COP1: variants seen among roughly 807,000 people sequenced by gnomAD.
COP1 encodes COP1 E3 ubiquitin ligase.
Under a neutral mutation model 101.3 loss-of-function variants are expected in COP1, and 24 were observed. The ratio of observed to expected loss-of-function variants is 0.24; its 90% confidence interval spans 0.17 to 0.33. The LOEUF (loss-of-function observed/expected upper bound fraction) is 0.33. Ranked by LOEUF, COP1 falls within the 10% of genes least tolerant of loss-of-function variation. COP1 has a pLI of 1.00. For synonymous variants in COP1, 347 were observed against 341.9 expected (o/e 1.01, Z -0.17); for missense variants, 663 against 906.2 (o/e 0.73, Z 3.45).
chr1:176,079,442 T>G (rs1434551240), intron 11 of COP1, among the ~76,000 whole-genome samples: 1 of 151,998 alleles, frequency 6.6e-6, no homozygotes, highest in Non-Finnish European at 1.5e-5. Context: ...GACACATGAA[T>G]GTAAACATGG....
intron 14 of COP1, among the ~76,000 whole-genome samples, chr1:176,034,456 C>G (rs1320425562): frequency 6.6e-6 from 1 of 152,134 alleles, no homozygotes; most frequent in Admixed American, 6.6e-5. Flanking sequence ...AAAGGCGAAT[C>G]CCCATTATAT....
intron 6 of COP1, among the ~76,000 whole-genome samples, chr1:176,147,034 C>A (rs1452275394): frequency 6.6e-6 from 1 of 152,116 alleles, no homozygotes; most frequent in African/African-American, 2.4e-5. Flanking sequence ...CTACACTCAA[C>A]AGAACTCCAA....
intron 11 of COP1, among the ~76,000 whole-genome samples, chr1:176,075,510 G>T (rs552453562): frequency 2.0e-5 from 3 of 152,320 alleles, no homozygotes; most frequent in African/African-American, 7.2e-5. Flanking sequence ...GTAGCAATTT[G>T]ATTATACCAA....
At chr1:176,175,312 A>T (rs1696766884) in intron 3 of COP1, among the ~76,000 whole-genome samples, 1 of 152,210 alleles carries the variant, frequency 6.6e-6, no homozygotes, top group Admixed American at 6.5e-5. Context: ...CATTTTTGTT[A>T]AACCTCACAT....
chr1:175,998,159 T>C (rs1191590171), intron 15 of COP1, among the ~76,000 whole-genome samples: 4 of 148,272 alleles, frequency 2.7e-5, no homozygotes, highest in African/African-American at 1.0e-4. Context: ...ATGTCCTTTG[T>C]AGGGACATGG....
intron 9 of COP1, among the ~76,000 whole-genome samples, chr1:176,107,029 T>C (rs1684443466): frequency 1.3e-5 from 2 of 152,198 alleles, no homozygotes; most frequent in South Asian, 4.1e-4. Context: ...CTGAATTCTC[T>C]GGATCCCTTT....
chr1:176,095,773 G>A (rs1017040307), intron 9 of COP1, among the ~76,000 whole-genome samples: 7 of 151,932 alleles, frequency 4.6e-5, no homozygotes, highest in Non-Finnish European at 1.0e-4. Flanking sequence ...TAAGACTGCT[G>A]GTCTCTTAGC....
At chr1:176,057,900 G>A (rs1171146156) in intron 11 of COP1, among the ~76,000 whole-genome samples, 3 of 151,932 alleles carry the variant, frequency 2.0e-5, no homozygotes, top group Non-Finnish European at 4.4e-5. Flanking sequence ...GAGCGTCTCT[G>A]CCCGGCCGCC....
At position 175,989,495 on chromosome 1, in the gene COP1, A is replaced by C. The variant is rs1657903549; in HGVS notation, c.1730-16T>G. 7.5e-7 allele frequency: 1 copy of C among 1,327,588 alleles called. No individual in the cohort carries two copies. The highest frequency in any genetic ancestry group is 1.4e-5 in the African/African-American group (1 of 69,282). The allele number at this position is 1,327,588 out of a possible 1,614,324, so 82.2% of individuals were successfully genotyped here. A position where few individuals can be genotyped will look rare whatever the true frequency, so the allele number is the denominator to read the frequency against. ...ACACAGTGATCTAAAACAAAACAAAATTAGATAAATGTAGTAAATGCAGAA... is the reference window on the plus strand; with the variant it reads ...ACACAGTGATCTAAAACAAAACAAACTTAGATAAATGTAGTAAATGCAGAA... On this transcript the variant is annotated splice_polypyrimidine_tract_variant and intron_variant, in intron 15 of 19. Coordinates refer to ENST00000367669, the MANE Select transcript of COP1 (RefSeq NM_022457.7).
rs558384845 is a variant in COP1 at position 176,197,987 on chromosome 1, C to A, written c.407+8585G>T. 1.5e-4 allele frequency among the ~76,000 whole-genome samples: 23 copies of A among 152,120 alleles called. No homozygotes were observed. In the South Asian group the frequency reaches 4.8e-3, roughly 32 times the overall value. ...CCTCAACTGAAAAGCATAAACACTGCTAAGAGAAATTACAGAGGACCTAAA... is the reference window on the plus strand; with the variant it reads ...CCTCAACTGAAAAGCATAAACACTGATAAGAGAAATTACAGAGGACCTAAA... On this transcript the variant is annotated intron_variant, in intron 1 of 19. Coordinates refer to ENST00000367669, the MANE Select transcript of COP1 (RefSeq NM_022457.7).
intron 15 of COP1, among the ~76,000 whole-genome samples, chr1:175,991,869 T>C (rs920192584): frequency 3.3e-5 from 5 of 152,176 alleles, no homozygotes; most frequent in Admixed American, 3.3e-4. Flanking sequence ...CATAGAGATG[T>C]CATCTTCTCT....
At chr1:176,014,824 T>C (rs1665336458) in intron 15 of COP1, among the ~76,000 whole-genome samples, 1 of 152,168 alleles carries the variant, frequency 6.6e-6, no homozygotes, top group African/African-American at 2.4e-5. Context: ...GTACTAATAT[T>C]TTAAATACAT....
At chr1:176,126,412 G>C (rs1322281488) in intron 8 of COP1, among the ~76,000 whole-genome samples, 1 of 152,096 alleles carries the variant, frequency 6.6e-6, no homozygotes, top group Non-Finnish European at 1.5e-5. Context: ...TTCATTGAAG[G>C]TTTTTATCAT....
At chr1:176,183,613 A>G (rs1698066167) in intron 2 of COP1, among the ~76,000 whole-genome samples, 2 of 152,186 alleles carry the variant, frequency 1.3e-5, no homozygotes, top group Admixed American at 1.3e-4. Context: ...TATACACCCA[A>G]AAGACTTGAA....
At chr1:175,969,007 G>A (rs1223041721) in intron 18 of COP1, among the ~76,000 whole-genome samples, 1 of 152,202 alleles carries the variant, frequency 6.6e-6, no homozygotes, top group Admixed American at 6.5e-5. Flanking sequence ...ACTGAGAAGA[G>A]CTCCTCTGAG....
chr1:176,136,237 A>AT (rs889590672), intron 7 of COP1, among the ~76,000 whole-genome samples: 41 of 152,018 alleles, frequency 2.7e-4, no homozygotes, highest in African/African-American at 8.4e-4. Context: ...AAACTGAGCG[A>AT]TTTTTTTTGT....
At chr1:176,145,745 C>T (rs542542673) in intron 6 of COP1, among the ~76,000 whole-genome samples, 13 of 151,138 alleles carry the variant, frequency 8.6e-5, no homozygotes, top group Admixed American at 2.0e-4. Context: ...AGATTACATA[C>T]TGCACAAGCA....
At chr1:176,123,727 C>A (rs1687528359) in intron 8 of COP1, among the ~76,000 whole-genome samples, 1 of 152,048 alleles carries the variant, frequency 6.6e-6, no homozygotes, top group Non-Finnish European at 1.5e-5. Flanking sequence ...AATCTTTACC[C>A]CCACCCTGCA....
rs1193669446 is a variant in COP1, at chr1:176,139,301, CAAAA to C, written c.832-2758_832-2755del. Among the ~76,000 whole-genome samples, 10 of 135,688 alleles carry C rather than the reference CAAAA, an allele frequency of 7.4e-5. No homozygotes were observed. In the South Asian group the frequency reaches 1.5e-3, roughly 20 times the overall value. 89.0% of individuals were successfully genotyped at this position (135,688 alleles called of 152,430 possible). ...AAACAAAAAAAACAAAAAAAAAAAA[CAAAA>C]AAAGAGATGCTGGTGAGGCTGCAGA... On this transcript the variant is annotated intron_variant, in intron 6 of 19. Coordinates refer to ENST00000367669, the MANE Select transcript of COP1 (RefSeq NM_022457.7).
Sources: allele counts gnomAD v4.1 joint callset (sites outside exome capture counted in the v4.1 genomes callset), GRCh38; gene constraint gnomAD v4.1.1; transcripts MANE v1.5; gene names NCBI Gene and HGNC (gene_info 2026-07-23, HGNC 2026-07-21).